Variants in CTNND2 observed in about 807,000 individuals in gnomAD.
The protein encoded by CTNND2 is catenin delta-2.
Under a neutral mutation model 144.4 loss-of-function variants are expected in CTNND2, and 22 were observed. That is an observed-to-expected ratio of 0.15 (90% confidence interval 0.11 to 0.22). The LOEUF is 0.22. Ranked by LOEUF, CTNND2 falls within the 10% of genes least tolerant of loss-of-function variation. CTNND2 has a pLI of 1.00. For missense variants in CTNND2, 1,353 were observed against 1,618.8 expected (o/e 0.84, Z 2.82); for synonymous variants, 751 against 695.6 (o/e 1.08, Z -1.25).
At chr5:11,794,872 A>T (rs1012041218) in intron 1 of CTNND2, among the ~76,000 whole-genome samples, 1 of 152,234 alleles carries the variant, frequency 6.6e-6, no homozygotes, top group African/African-American at 2.4e-5. Flanking sequence ...TGGTTTAAAC[A>T]TTCCTATTTA....
chr5:11,838,647 C>T (rs192681619), intron 1 of CTNND2, among the ~76,000 whole-genome samples: 4 of 152,286 alleles, frequency 2.6e-5, no homozygotes, highest in Middle Eastern at 3.4e-3. Context: ...ACTTATGACT[C>T]CTCCCTCAAG....
intron 9 of CTNND2, among the ~76,000 whole-genome samples, chr5:11,296,569 A>T (rs1749037729): frequency 6.6e-6 from 1 of 152,222 alleles, no homozygotes; most frequent in Non-Finnish European, 1.5e-5. Flanking sequence ...AATAGCAAAG[A>T]CTTGGAACCA....
rs1553988803 is a variant in CTNND2 at position 11,879,352 on chromosome 5, T to TATATATATATATATATACATAC, written c.37+24464_37+24465insGTATGTATATATATATATATAT. Reference sequence around the variant, plus strand: ...AAAATTAAATGTGTGTATATATATATATATACATATACACACACACACAAA... The same window carrying TATATATATATATATATACATAC: ...AAAATTAAATGTGTGTATATATATATATATATATATATATATACATACATATACATATACACACACACACAAA... On this transcript the variant is annotated intron_variant, in intron 1 of 21. Coordinates refer to ENST00000304623, the MANE Select transcript of CTNND2 (RefSeq NM_001332.4). Among the ~76,000 whole-genome samples the TATATATATATATATATACATAC allele has an allele frequency of 1.9e-3, 267 of 137,244 alleles. 7 individuals carry two copies. Among genetic ancestry groups the TATATATATATATATATACATAC allele is most frequent in the African/African-American group, 6.4e-3 (238 of 37,138 alleles). 90.0% of individuals were successfully genotyped at this position (137,244 alleles called of 152,430 possible).
At chr5:11,823,409 T>C (rs1263331578) in intron 1 of CTNND2, among the ~76,000 whole-genome samples, 1 of 152,228 alleles carries the variant, frequency 6.6e-6, no homozygotes, top group Non-Finnish European at 1.5e-5. Flanking sequence ...AAAGAAAATG[T>C]CTCAGTATTT....
rs922895343 is a variant in CTNND2, at chr5:11,589,654, T to C, written c.175-24598A>G. The stretch of plus-strand genomic sequence containing the variant: ...CCCCACCCACTCCTAGCTATTATAG[T>C]ACCTCAAACAACTCCTTTGAGTCTT... On this transcript the variant is annotated intron_variant, in intron 2 of 21. Coordinates refer to ENST00000304623, the MANE Select transcript of CTNND2 (RefSeq NM_001332.4). 4.6e-5 allele frequency among the ~76,000 whole-genome samples: 7 copies of C among 152,206 alleles called. No individual in the cohort carries two copies. The East Asian group carries it at 1.3e-3, about 29-fold the overall frequency.
At chr5:11,747,879 C>A (rs1185400568) in intron 1 of CTNND2, among the ~76,000 whole-genome samples, 1 of 152,100 alleles carries the variant, frequency 6.6e-6, no homozygotes, top group Non-Finnish European at 1.5e-5. Flanking sequence ...AGTGTCCACT[C>A]AAATTATGGC....
chr5:11,728,949 A>T (rs1787175776), intron 2 of CTNND2, among the ~76,000 whole-genome samples: 1 of 152,180 alleles, frequency 6.6e-6, no homozygotes, highest in Admixed American at 6.5e-5. Context: ...GAGGAAAAAA[A>T]TAAGGAACCT....
At position 11,068,856 on chromosome 5, in the gene CTNND2, G is replaced by A. The variant is rs1397038607; in HGVS notation, c.2788+13840C>T. The stretch of plus-strand genomic sequence containing the variant: ...GGCGTGAACCTGGGAGGCGAAGCTT[G>A]CAGTGAGCCGAGATCGCACCACTGC... On this transcript the variant is annotated intron_variant, in intron 16 of 21. Transcript: ENST00000304623. Among the ~76,000 whole-genome samples the A allele has an allele frequency of 3.9e-5, 6 of 152,232 alleles. 1 individual carries two copies. In the East Asian group the frequency reaches 1.2e-3, roughly 29 times the overall value.
chr5:11,602,503 C>T (rs187337483), intron 2 of CTNND2, among the ~76,000 whole-genome samples: 4 of 151,904 alleles, frequency 2.6e-5, no homozygotes, highest in South Asian at 2.1e-4. Flanking sequence ...GAGACCAGAG[C>T]GTCTCTTCCA....
intron 11 of CTNND2, among the ~76,000 whole-genome samples, chr5:11,161,961 G>T (rs1758806564): frequency 6.6e-6 from 1 of 151,994 alleles, no homozygotes; most frequent in African/African-American, 2.4e-5. Flanking sequence ...ACCAGCCTGG[G>T]CAACATGGCA....
chr5:11,146,508 T>C (rs1425993444), intron 12 of CTNND2, among the ~76,000 whole-genome samples: 2 of 152,070 alleles, frequency 1.3e-5, no homozygotes, highest in Non-Finnish European at 2.9e-5. Context: ...TTATTTAAAA[T>C]TGGAAAAAAA....
intron 9 of CTNND2, among the ~76,000 whole-genome samples, chr5:11,328,223 A>G (rs562900460): frequency 6.6e-5 from 10 of 152,302 alleles, no homozygotes; most frequent in African/African-American, 2.4e-4. Context: ...CAAACCTTTC[A>G]AATTTAGAGC....
chr5:11,215,549 A>C (rs574878681), intron 10 of CTNND2, among the ~76,000 whole-genome samples: 1 of 152,364 alleles, frequency 6.6e-6, no homozygotes, highest in African/African-American at 2.4e-5. Context: ...TGAATATCCA[A>C]TTTCCATTAA....
chr5:11,227,560 C>T (rs1480877323), intron 10 of CTNND2, among the ~76,000 whole-genome samples: 1 of 152,148 alleles, frequency 6.6e-6, no homozygotes, highest in African/African-American at 2.4e-5. Flanking sequence ...TAGCACATTC[C>T]CTCGAACTAT....
chr5:11,086,781 G>C (rs565754395), intron 15 of CTNND2, among the ~76,000 whole-genome samples: 22 of 152,324 alleles, frequency 1.4e-4, no homozygotes, highest in Admixed American at 1.3e-3. Flanking sequence ...AAATACAACT[G>C]ATGGTCATAA....
In CTNND2 at chr5:10,973,228, C is replaced by G. The variant is rs1399599522; in HGVS notation, c.*225G>C. The stretch of plus-strand genomic sequence containing the variant: ...GCTCACGCTAGAAAGGTGCTGCCCA[C>G]TGTCATATTTAGGATCACTTTAGCT... On this transcript the variant is annotated 3_prime_UTR_variant, in exon 22 of 22. Coordinates refer to ENST00000304623, the MANE Select transcript of CTNND2 (RefSeq NM_001332.4). This position sits in a 1 kb window ranked among gnomAD's most constrained non-coding sequence, Gnocchi z 5.6. 2 of 498,178 alleles carry G rather than the reference C, an allele frequency of 4.0e-6. No homozygotes were observed. The highest frequency in any genetic ancestry group is 3.9e-5 in the African/African-American group (2 of 51,460). The allele number at this position is 498,178 out of a possible 1,614,324, so 30.9% of individuals were successfully genotyped here. A position where few individuals can be genotyped will look rare whatever the true frequency, so the allele number is the denominator to read the frequency against.
At chr5:11,876,199 G>GAGGAGGGAGGAGGC (rs1051770018) in intron 1 of CTNND2, among the ~76,000 whole-genome samples, 16 of 151,590 alleles carry the variant, frequency 1.1e-4, no homozygotes, top group Non-Finnish European at 1.9e-4. Flanking sequence ...AAAAAGAGGA[G>GAGGAGGGAGGAGGC]AGGAGGGAGG....
chr5:10,989,038 T>C (rs2149495403), intron 19 of CTNND2, among the ~76,000 whole-genome samples: 1 of 152,284 alleles, frequency 6.6e-6, no homozygotes, highest in Admixed American at 6.5e-5. Context: ...TCCTGGGAAA[T>C]TCCAGGAGTC....
chr5:11,486,501 T>C (rs1392238278), intron 3 of CTNND2, among the ~76,000 whole-genome samples: 4 of 152,124 alleles, frequency 2.6e-5, no homozygotes, highest in Admixed American at 6.6e-5. Flanking sequence ...ATAGTCTTTT[T>C]TTCCCCCCAA....
Sources: gnomAD v4.1 joint callset for allele counts (sites outside exome capture counted in the v4.1 genomes callset) on GRCh38, gnomAD v4.1.1 for gene constraint, Gnocchi (gnomAD v3.1) non-coding constraint, MANE v1.5 for transcripts, NCBI Gene and HGNC (gene_info 2026-07-23, HGNC 2026-07-21) for gene names.